Variants in DNAH14 observed in about 807,000 individuals in gnomAD.
DNAH14 encodes the protein dynein axonemal heavy chain 14.
Under a neutral mutation model 520.9 loss-of-function variants are expected in DNAH14, and 478 were observed. That is an observed-to-expected ratio of 0.92 (90% confidence interval 0.85 to 0.99). DNAH14 has a LOEUF of 0.99. Ranked by LOEUF, DNAH14 falls within the 50% of genes least tolerant of loss-of-function variation. The pLI, the probability that DNAH14 is intolerant of heterozygous loss-of-function variation, is 0.00. For missense variants in DNAH14, 4,831 were observed against 5,234.5 expected (o/e 0.92, Z 2.38); for synonymous variants, 1,581 against 1,757.2 (o/e 0.90, Z 2.51).
At chr1:225,341,473 C>T (rs533460785) in intron 69 of DNAH14, among the ~76,000 whole-genome samples, 1 of 152,140 alleles carries the variant, frequency 6.6e-6, no homozygotes, top group South Asian at 2.1e-4. Flanking sequence ...AATACACCAG[C>T]CTGACCAACA....
At chr1:225,121,054 G>A (rs955418577) in intron 26 of DNAH14, among the ~76,000 whole-genome samples, 10 of 152,020 alleles carry the variant, frequency 6.6e-5, no homozygotes, top group Admixed American at 3.3e-4. Context: ...TGGAATATAC[G>A]CCTTATCCAA....
At chr1:224,937,582 C>T (rs1460752174) in intron 1 of DNAH14, among the ~76,000 whole-genome samples, 1 of 151,980 alleles carries the variant, frequency 6.6e-6, no homozygotes, top group Non-Finnish European at 1.5e-5. Flanking sequence ...ATTCCATGCT[C>T]ATGGATCAGA....
In DNAH14 at chr1:224,929,787, C is replaced by T; in HGVS notation, c.-82C>T. ...CGCCGGCGTGGGCGGGCCGGACCTT[C>T]GCCGCTTCCAGGAAGGGCCACAACG... On this transcript the variant is annotated 5_prime_UTR_variant, in exon 1 of 86. Transcript: ENST00000682510. 1.4e-6 allele frequency: 1 copy of T among 700,772 alleles called. No individual in the cohort carries two copies. The highest frequency in any genetic ancestry group is 1.5e-5 in the South Asian group (1 of 67,500). The allele number at this position is 700,772 out of a possible 1,614,324, so 43.4% of individuals were successfully genotyped here. A position where few individuals can be genotyped will look rare whatever the true frequency, so the allele number is the denominator to read the frequency against.
intron 1 of DNAH14, among the ~76,000 whole-genome samples, chr1:224,942,451 CAG>C (rs1246523128): frequency 6.6e-6 from 1 of 152,160 alleles, no homozygotes; most frequent in Non-Finnish European, 1.5e-5. Context: ...CATCTGTAAA[CAG>C]GGACAATTTG....
intron 54 of DNAH14, among the ~76,000 whole-genome samples, chr1:225,283,671 G>C (rs12409465): frequency 0.13 from 20,111 of 152,028 alleles, 1,521 homozygotes; most frequent in East Asian, 0.33. Context: ...CAACAGTATA[G>C]TAAAACAACT....
chr1:225,143,305 A>G (rs1470619345), intron 28 of DNAH14, among the ~76,000 whole-genome samples: 2 of 152,090 alleles, frequency 1.3e-5, no homozygotes, highest in Admixed American at 1.3e-4. Flanking sequence ...TTAAAAAAAC[A>G]TTTTCTTCCA....
rs1277634592 is a variant in DNAH14 at position 225,338,111 on chromosome 1, T to C, written c.10362T>C (p.Asp3454=). 5 of 1,551,672 alleles carry C rather than the reference T, an allele frequency of 3.2e-6. No homozygotes were observed. The highest frequency in any genetic ancestry group is 4.4e-6 in the Non-Finnish European group (5 of 1,146,920). ...APGLKAILKK[D]IYQKKGHYFI... ...GCTTAAAGGCAATTCTGAAAAAGGATATCTATCAGAAAAAAGGACACTATT... is the reference window on the plus strand; with the variant it reads ...GCTTAAAGGCAATTCTGAAAAAGGACATCTATCAGAAAAAAGGACACTATT... Residue 3454 remains aspartate, a synonymous_variant, in exon 68 of 86, where the codon GAT becomes GAC. Coordinates refer to ENST00000682510, the MANE Select transcript of DNAH14 (RefSeq NM_001367479.1).
intron 15 of DNAH14, among the ~76,000 whole-genome samples, chr1:225,049,045 CTATTTT>C (rs1286020762): frequency 0.021 from 1,815 of 87,060 alleles, 131 homozygotes; most frequent in East Asian, 0.11. Flanking sequence ...GATCTCTTGC[CTATTTT>C]TTTTTTTTTT....
At chr1:225,075,833 T>A (rs902804373) in intron 17 of DNAH14, among the ~76,000 whole-genome samples, 1 of 152,362 alleles carries the variant, frequency 6.6e-6, no homozygotes, top group South Asian at 2.1e-4. Flanking sequence ...TTGGTGTCTG[T>A]GCATTTGAAG....
chr1:225,335,907 A>C (rs999959347), intron 66 of DNAH14, among the ~76,000 whole-genome samples: 1 of 144,372 alleles, frequency 6.9e-6, no homozygotes, highest in Non-Finnish European at 1.5e-5. Context: ...ACATATATGC[A>C]TGTATGTATA....
At position 225,345,982 on chromosome 1, in the gene DNAH14, A is replaced by G. The variant is rs6667999; in HGVS notation, c.10699A>G (p.Lys3567Glu). The stretch of plus-strand genomic sequence containing the variant: ...TTTAGGATCCATATTAGATGATGAC[A>G]AAATTGTAGATACCTTAAGAAAATC... Reference protein sequence around the residue: ...KALGSILDDDKIVDTLRKSKM... With the variant: ...KALGSILDDDEIVDTLRKSKM... The change falls in exon 70 of 86, where the codon AAA becomes GAA. Residue 3567 changes from lysine to glutamate, a missense_variant. Transcript: ENST00000682510. The G allele has an allele frequency of 0.44, 689,025 of 1,548,984 alleles. 155,635 individuals are homozygous for G. The highest frequency in any genetic ancestry group is 0.62 in the African/African-American group (44,939 of 72,810).
At position 225,381,848 on chromosome 1, in the gene DNAH14, G is replaced by T. The variant is rs577509339; in HGVS notation, c.13077+269G>T. On this transcript the variant is annotated intron_variant, in intron 81 of 85. Coordinates refer to ENST00000682510, the MANE Select transcript of DNAH14 (RefSeq NM_001367479.1). The stretch of plus-strand genomic sequence containing the variant: ...TTCATGTCAAAGTAGGTGCACTCTT[G>T]GTATTACTATAAGTGTTGAGTTTAA... Among the ~76,000 whole-genome samples, 3 of 152,158 alleles carry T rather than the reference G, an allele frequency of 2.0e-5. No homozygotes were observed. In the East Asian group the frequency reaches 5.8e-4, roughly 29 times the overall value.
intron 69 of DNAH14, among the ~76,000 whole-genome samples, chr1:225,342,683 AACACACACACACACACACAC>A (rs10572962): frequency 6.8e-6 from 1 of 148,030 alleles, no homozygotes; most frequent in African/African-American, 2.5e-5. Context: ...ATTTCTCATA[AACACACACACACACACACAC>A]ACACACACAC....
intron 38 of DNAH14, among the ~76,000 whole-genome samples, chr1:225,195,242 AG>A (rs2085973297): frequency 1.3e-5 from 2 of 152,212 alleles, no homozygotes; most frequent in Non-Finnish European, 2.9e-5. Context: ...AGAATAGCAA[AG>A]ACATGGAATT....
chr1:225,360,249 G>T (rs1449798106), intron 74 of DNAH14, among the ~76,000 whole-genome samples: 1 of 152,140 alleles, frequency 6.6e-6, no homozygotes, highest in South Asian at 2.1e-4. Flanking sequence ...GTCTATCATT[G>T]ATGGGCATTT....
intron 74 of DNAH14, among the ~76,000 whole-genome samples, chr1:225,359,613 C>CCACCTGGAGGCTTCT (rs2150537336): frequency 6.6e-6 from 1 of 152,288 alleles, no homozygotes; most frequent in African/African-American, 2.4e-5. Context: ...TGGAGTGCCT[C>CCACCTGGAGGCTTCT]CACCTGGAGG....
At chr1:225,019,831 C>T (rs921121587) in intron 10 of DNAH14, among the ~76,000 whole-genome samples, 6 of 151,824 alleles carry the variant, frequency 4.0e-5, no homozygotes, top group Non-Finnish European at 5.9e-5. Context: ...CACAACATAC[C>T]AGAATCTTCA....
At chr1:225,254,889 A>C (rs1048237625) in intron 44 of DNAH14, among the ~76,000 whole-genome samples, 2 of 152,154 alleles carry the variant, frequency 1.3e-5, no homozygotes, top group African/African-American at 4.8e-5. Context: ...GTTTCAACTC[A>C]CGTCATGGTA....
Position 225,079,456 on chromosome 1 carries a change from A to G in DNAH14, c.2674A>G (p.Ile892Val). ...AAAATCATCTATGAAGTTAAGTAAA[A>G]TAAATAAAGACACTGCTATAACTAA... ...QLKSSMKLSK[I>V]NKDTAITKFR... The change falls in exon 18 of 86, where the codon ATA (isoleucine) becomes GTA (valine). Residue 892 changes from isoleucine (I) to valine (V), a missense_variant. Physicochemically the swap from Ile to Val is conservative, Grantham distance 29 (BLOSUM62 3). Coordinates refer to ENST00000682510, the MANE Select transcript of DNAH14 (RefSeq NM_001367479.1). 2 of 1,548,426 alleles carry G rather than the reference A, an allele frequency of 1.3e-6. No individual in the cohort carries two copies. The highest frequency in any genetic ancestry group is 1.7e-6 in the Non-Finnish European group (2 of 1,146,230).
Sources: gnomAD v4.1 joint callset for allele counts (sites outside exome capture counted in the v4.1 genomes callset) on GRCh38, gnomAD v4.1.1 for gene constraint, MANE v1.5 for transcripts, NCBI Gene and HGNC (gene_info 2026-07-23, HGNC 2026-07-21) for gene names.